The following HDAC9 variants were observed in gnomAD, a reference collection of about 807,000 sequenced individuals.
HDAC9 encodes histone deacetylase 9.
A neutral mutation model predicts 139.4 loss-of-function variants in HDAC9; 41 were observed. The ratio of observed to expected loss-of-function variants is 0.29; its 90% confidence interval spans 0.23 to 0.38. The LOEUF (loss-of-function observed/expected upper bound fraction) is 0.38, where lower values mean the gene tolerates loss of function less well. Among genes scored for constraint, HDAC9 ranks in the 10% least tolerant of loss-of-function variants. The pLI is 1.00. For synonymous variants in HDAC9, 517 were observed against 476.2 expected (o/e 1.09, Z -1.12); for missense variants, 1,147 against 1,297.0 (o/e 0.88, Z 1.78).
intron 2 of HDAC9, among the ~76,000 whole-genome samples, chr7:18,203,170 C>A (rs1216248627): frequency 6.6e-6 from 1 of 152,036 alleles, no homozygotes; most frequent in East Asian, 1.9e-4. Flanking sequence ...GTGTTACTGG[C>A]TGATATTTTA....
chr7:18,980,451 A>G (rs538533456), intron 25 of HDAC9, among the ~76,000 whole-genome samples: 39 of 152,290 alleles, frequency 2.6e-4, no homozygotes, highest in African/African-American at 8.9e-4. Flanking sequence ...GCTCAAGGGC[A>G]AGTTACTTAA....
intron 21 of HDAC9, among the ~76,000 whole-genome samples, chr7:18,840,560 T>C (rs1796520098): frequency 6.6e-6 from 1 of 152,106 alleles, no homozygotes; most frequent in Admixed American, 6.6e-5. Context: ...AGGTAGTATC[T>C]GTATTTAATC....
chr7:18,607,235 A>G (rs1259903669), intron 6 of HDAC9, among the ~76,000 whole-genome samples: 1 of 152,232 alleles, frequency 6.6e-6, no homozygotes, highest in East Asian at 1.9e-4. Flanking sequence ...ATTGTGTGAT[A>G]ATGAGTCAGC....
chr7:18,823,337 T>C (rs947706743), intron 17 of HDAC9, among the ~76,000 whole-genome samples: 4 of 152,148 alleles, frequency 2.6e-5, no homozygotes, highest in Non-Finnish European at 5.9e-5. Flanking sequence ...TCTGAAAGGA[T>C]GGGAGAGTTC....
chr7:18,272,913 GCTACTACTACTACTACTACTACTACTA>G (rs149171355), intron 2 of HDAC9, among the ~76,000 whole-genome samples: 4 of 144,618 alleles, frequency 2.8e-5, no homozygotes, highest in East Asian at 2.1e-4. Context: ...CTAGACTACT[GCTACTACTACTACTACTACTACTACTA>G]CTACTACTAC....
At chr7:18,279,061 A>G (rs1456166593) in intron 2 of HDAC9, among the ~76,000 whole-genome samples, 2 of 152,248 alleles carry the variant, frequency 1.3e-5, no homozygotes, top group Non-Finnish European at 2.9e-5. Context: ...AGGCGTGGAC[A>G]GAATTCAATT....
intron 1 of HDAC9, among the ~76,000 whole-genome samples, chr7:18,161,616 C>T (rs1787632271): frequency 6.6e-6 from 1 of 152,118 alleles, no homozygotes; most frequent in Non-Finnish European, 1.5e-5. Context: ...CCTTAAATTC[C>T]TTTTAAGAAG....
chr7:18,840,940 C>G (rs1459685793), intron 21 of HDAC9, among the ~76,000 whole-genome samples: 1 of 152,048 alleles, frequency 6.6e-6, no homozygotes, highest in Non-Finnish European at 1.5e-5. Flanking sequence ...GGGCATTTAA[C>G]TCAAGTGCAG....
chr7:18,520,176 G>T (rs181357567), intron 2 of HDAC9, among the ~76,000 whole-genome samples: 2 of 152,122 alleles, frequency 1.3e-5, no homozygotes, highest in East Asian at 3.9e-4. Context: ...GTTTACTTCA[G>T]GAATAAGATT....
intron 1 of HDAC9, among the ~76,000 whole-genome samples, chr7:18,389,681 A>G (rs377045292): frequency 6.6e-6 from 1 of 152,212 alleles, no homozygotes; most frequent in Non-Finnish European, 1.5e-5. Context: ...TATGTATGTC[A>G]AGTATATGCA....
rs538370815 is a variant in HDAC9 at position 18,162,583 on chromosome 7, A to C, written c.25+234A>C. On this transcript the variant is annotated intron_variant, in intron 2 of 12. Coordinates refer to the HDAC9 transcript ENST00000417496. Reference sequence around the variant, plus strand: ...CATTGTAGTCTGAGCATGGGACTTTAATTCTTCTGCTTCCAAGGTAACATT... The same window carrying C: ...CATTGTAGTCTGAGCATGGGACTTTCATTCTTCTGCTTCCAAGGTAACATT... The C allele has an allele frequency of 1.5e-4, 78 of 534,034 alleles. 1 individual carries two copies. In the South Asian group the frequency reaches 1.6e-3, roughly 11 times the overall value. 33.1% of individuals were successfully genotyped at this position (534,034 alleles called of 1,614,324 possible).
intron 1 of HDAC9, among the ~76,000 whole-genome samples, chr7:18,405,420 C>A (rs976292723): frequency 6.6e-6 from 1 of 152,072 alleles, no homozygotes; most frequent in Non-Finnish European, 1.5e-5. Context: ...CATAATCATC[C>A]CCCTATCTTA....
intron 1 of HDAC9, among the ~76,000 whole-genome samples, chr7:18,369,846 T>C (rs1784461403): frequency 1.3e-5 from 2 of 152,088 alleles, no homozygotes; most frequent in South Asian, 4.1e-4. Flanking sequence ...TTTGCATCCG[T>C]GTAACTGCTG....
chr7:18,616,016 G>A (rs528334507), intron 6 of HDAC9, among the ~76,000 whole-genome samples: 5 of 152,244 alleles, frequency 3.3e-5, no homozygotes, highest in Non-Finnish European at 7.4e-5. Flanking sequence ...GGCTTCCGGA[G>A]GCTGCCTGCA....
chr7:18,176,795 C>T (rs1299041568), intron 2 of HDAC9, among the ~76,000 whole-genome samples: 1 of 151,906 alleles, frequency 6.6e-6, no homozygotes, highest in East Asian at 1.9e-4. Flanking sequence ...ATCCTTTTGT[C>T]TGTATTATTG....
chr7:18,960,393 G>A (rs1402363056), intron 24 of HDAC9, among the ~76,000 whole-genome samples: 3 of 151,908 alleles, frequency 2.0e-5, no homozygotes, highest in East Asian at 3.9e-4. Context: ...CTATGTTATT[G>A]TTATTCTTTA....
chr7:18,675,717 G>T (rs1309172207), intron 12 of HDAC9, among the ~76,000 whole-genome samples: 4 of 151,938 alleles, frequency 2.6e-5, no homozygotes, highest in African/African-American at 7.2e-5. Context: ...CCAGGTCACT[G>T]CAGGAGGCTG....
intron 2 of HDAC9, among the ~76,000 whole-genome samples, chr7:18,520,248 A>C (rs972588275): frequency 1.3e-5 from 2 of 152,030 alleles, no homozygotes; most frequent in Admixed American, 6.6e-5. Context: ...ATCATGCTAT[A>C]TTTTTCTTTT....
At chr7:18,989,986 G>C (rs569423373) in intron 25 of HDAC9, among the ~76,000 whole-genome samples, 2 of 151,620 alleles carry the variant, frequency 1.3e-5, no homozygotes, top group African/African-American at 4.9e-5. Flanking sequence ...CAACTTCTTT[G>C]CCTTTCGTTT....
Sources: gnomAD v4.1 joint callset for allele counts (sites outside exome capture counted in the v4.1 genomes callset) on GRCh38, gnomAD v4.1.1 for gene constraint, MANE v1.5 for transcripts, NCBI Gene and HGNC (gene_info 2026-07-23, HGNC 2026-07-21) for gene names.